Variants in SLC24A3 observed in about 807,000 individuals in gnomAD.
SLC24A3 encodes solute carrier family 24 member 3.
Under a neutral mutation model 75.8 loss-of-function variants are expected in SLC24A3, and 28 were observed. That is an observed-to-expected ratio of 0.37 (90% CI 0.27 to 0.51). The LOEUF (loss-of-function observed/expected upper bound fraction) is 0.51, where lower values mean the gene tolerates loss of function less well. Ranked by LOEUF, SLC24A3 falls within the 20% of genes least tolerant of loss-of-function variation. The pLI is 0.94. For missense variants in SLC24A3, 663 were observed against 847.8 expected, an observed-to-expected ratio of 0.78 and a Z score of 2.71; for synonymous variants, 372 against 334.1, an observed-to-expected ratio of 1.11 and a Z score of -1.24.
intron 2 of SLC24A3, among the ~76,000 whole-genome samples, chr20:19,308,426 T>G (rs1348603562): frequency 3.3e-5 from 5 of 152,202 alleles, no homozygotes; most frequent in Admixed American, 1.3e-4. Flanking sequence ...GCGTTTTGTT[T>G]GGAGGGTGCA....
At chr20:19,443,462 C>T (rs1987328426) in intron 2 of SLC24A3, among the ~76,000 whole-genome samples, 1 of 152,040 alleles carries the variant, frequency 6.6e-6, no homozygotes. Context: ...ATTTTACTTT[C>T]ATATTTCAAT....
At chr20:19,241,110 G>A (rs909285358) in intron 1 of SLC24A3, among the ~76,000 whole-genome samples, 2 of 152,218 alleles carry the variant, frequency 1.3e-5, no homozygotes, top group Admixed American at 1.3e-4. Context: ...CAGGGATCTT[G>A]CAGTAGATTG....
chr20:19,586,319 C>A (rs2031295245), intron 6 of SLC24A3, among the ~76,000 whole-genome samples: 1 of 152,164 alleles, frequency 6.6e-6, no homozygotes, highest in African/African-American at 2.4e-5. Context: ...AACAACACAA[C>A]CCTGAGATCT....
chr20:19,542,733 G>T (rs2030523143), intron 3 of SLC24A3, among the ~76,000 whole-genome samples: 1 of 152,164 alleles, frequency 6.6e-6, no homozygotes, highest in Admixed American at 6.5e-5. Flanking sequence ...ATTGGTGGGG[G>T]GCTATGGAGA....
chr20:19,586,096 A>C lies in SLC24A3; in HGVS notation c.612+552A>C, dbSNP rs577502335. Among the ~76,000 whole-genome samples, 8 of 152,260 alleles carry C rather than the reference A, an allele frequency of 5.3e-5. No homozygotes were observed. In the South Asian group the frequency reaches 1.0e-3, roughly 20 times the overall value. On this transcript the variant is annotated intron_variant, in intron 6 of 16. Coordinates refer to ENST00000328041, the MANE Select transcript of SLC24A3 (RefSeq NM_020689.4). ...AGCCTGCAGTTTACCTATGGAGTTG[A>C]TGCCACTTCCAGGTGGTGTCCTGCT...
Position 19,692,201 on chromosome 20 carries a change from G to A in SLC24A3, c.1325-1058G>A, listed in dbSNP as rs966433956. Among the ~76,000 whole-genome samples, 11 of 152,198 alleles carry A rather than the reference G, an allele frequency of 7.2e-5. 1 individual carries two copies. Among genetic ancestry groups the A allele is most frequent in the Admixed American group, 2.0e-4 (3 of 15,292 alleles). On this transcript the variant is annotated intron_variant, in intron 12 of 16. Transcript: ENST00000328041. ...TTAACTCTGGTGGGAATATAAAATG[G>A]TTCAATCATTTTGGAAAACTGGCAG...
At position 19,722,840 on chromosome 20, in the gene SLC24A3, G is replaced by A. The variant is rs2033118475; in HGVS notation, c.*1700G>A. 6.6e-6 allele frequency: 1 copy of A among 152,588 alleles called. No homozygotes were observed. The highest frequency in any genetic ancestry group is 1.5e-5 in the Non-Finnish European group (1 of 68,024). 9.5% of individuals were successfully genotyped at this position (152,588 alleles called of 1,614,324 possible). On this transcript the variant is annotated 3_prime_UTR_variant, in exon 17 of 17. Transcript: ENST00000328041. Reference sequence around the variant, plus strand: ...TTGATTCTGTTGCACATTTTGCACTGGTTTATGGCGATTGTTTTCTTGGAC... The same window carrying A: ...TTGATTCTGTTGCACATTTTGCACTAGTTTATGGCGATTGTTTTCTTGGAC...
At chr20:19,699,392 G>C (rs538146643) in intron 15 of SLC24A3, among the ~76,000 whole-genome samples, 1 of 152,330 alleles carries the variant, frequency 6.6e-6, no homozygotes, top group South Asian at 2.1e-4. Context: ...GACTTTTGCA[G>C]TCAGGCTCTT....
intron 6 of SLC24A3, among the ~76,000 whole-genome samples, chr20:19,633,783 G>C (rs2031967018): frequency 6.6e-6 from 1 of 151,972 alleles, no homozygotes; most frequent in Non-Finnish European, 1.5e-5. Context: ...TGAGGTTTAG[G>C]ACCACAACTT....
Position 19,585,510 on chromosome 20 carries a change from G to T in SLC24A3, c.578G>T (p.Cys193Phe). 6.2e-7 allele frequency: 1 copy of T among 1,614,168 alleles called. No individual in the cohort carries two copies. The change falls in exon 6 of 17, where the codon TGC becomes TTC. Residue 193 changes from cysteine to phenylalanine, a missense_variant. Physicochemically the swap from Cys to Phe is radical, Grantham distance 205. Transcript: ENST00000328041. The stretch of plus-strand genomic sequence containing the variant: ...GGCTCAGCGGTATTCAACATCCTGT[G>T]CATCATTGGTGTCTGTGGGCTCTTT... The part of the protein sequence containing the change: ...IVGSAVFNIL[C>F]IIGVCGLFAG...
At chr20:19,367,490 C>CT (rs11462699) in intron 2 of SLC24A3, among the ~76,000 whole-genome samples, 77,940 of 148,130 alleles carry the variant, frequency 0.53, 21,392 homozygotes, top group African/African-American at 0.71. Context: ...GAAGCCCTGC[C>CT]TTTTTTTTTT....
intron 6 of SLC24A3, among the ~76,000 whole-genome samples, chr20:19,641,949 A>G (rs913435201): frequency 6.6e-6 from 1 of 152,210 alleles, no homozygotes; most frequent in Admixed American, 6.5e-5. Flanking sequence ...TCAACAAGGG[A>G]CTAACCATGT....
intron 1 of SLC24A3, among the ~76,000 whole-genome samples, chr20:19,220,538 T>C (rs534496523): frequency 1.1e-3 from 166 of 152,322 alleles, no homozygotes; most frequent in African/African-American, 3.9e-3. Context: ...ATGCCATGTT[T>C]AAGACAGAAC....
intron 2 of SLC24A3, among the ~76,000 whole-genome samples, chr20:19,319,524 G>A (rs752986749): frequency 2.6e-5 from 4 of 152,186 alleles, no homozygotes; most frequent in Admixed American, 6.5e-5. Context: ...ATACTTCTGC[G>A]GGTGTGGCTT....
chr20:19,547,226 T>C (rs6046173), intron 3 of SLC24A3, among the ~76,000 whole-genome samples: 135,518 of 152,252 alleles, frequency 0.89, 60,414 homozygotes, highest in Middle Eastern at 0.95. Context: ...TAATTTAGTG[T>C]GTAACACACC....
At chr20:19,223,897 G>A (rs1286718533) in intron 1 of SLC24A3, among the ~76,000 whole-genome samples, 1 of 152,208 alleles carries the variant, frequency 6.6e-6, no homozygotes, top group East Asian at 1.9e-4. Flanking sequence ...GAATGGATCA[G>A]CTGGACAAAG....
Position 19,213,936 on chromosome 20 carries a change from GAAACA to G in SLC24A3, c.142+970_142+974del, listed in dbSNP as rs371023924. Among the ~76,000 whole-genome samples, 68 of 152,268 alleles carry G rather than the reference GAAACA, an allele frequency of 4.5e-4. No homozygotes were observed. The East Asian group carries it at 7.1e-3, about 16-fold the overall frequency. On this transcript the variant is annotated intron_variant, in intron 1 of 16. Transcript: ENST00000328041. Reference sequence around the variant, plus strand: ...CAGCCATGTAAAGGGTTGTGAGAAAGAAACAAAACAAAACAAAACAAACAAACAAA... The same window carrying G: ...CAGCCATGTAAAGGGTTGTGAGAAAGAAACAAAACAAAACAAACAAACAAA...
intron 6 of SLC24A3, among the ~76,000 whole-genome samples, chr20:19,624,448 C>G (rs2031842699): frequency 6.6e-6 from 1 of 152,228 alleles, no homozygotes; most frequent in Non-Finnish European, 1.5e-5. Context: ...CAGTTGCACA[C>G]AAGAACGAAC....
At chr20:19,658,176 G>A (rs2032286122) in intron 7 of SLC24A3, among the ~76,000 whole-genome samples, 1 of 152,182 alleles carries the variant, frequency 6.6e-6, no homozygotes. Flanking sequence ...AGGGGCCCTG[G>A]AGACAAACCA....
Sources: gnomAD v4.1 joint callset for allele counts (sites outside exome capture counted in the v4.1 genomes callset) on GRCh38, gnomAD v4.1.1 for gene constraint, MANE v1.5 for transcripts, NCBI Gene and HGNC (gene_info 2026-07-23, HGNC 2026-07-21) for gene names.